Variants in BRCC3 observed in about 807,000 individuals in gnomAD.
BRCC3 encodes lys-63-specific deubiquitinase BRCC36.
A neutral mutation model predicts 28.0 loss-of-function variants in BRCC3; 15 were observed. That is an observed-to-expected ratio of 0.54 (90% CI 0.36 to 0.82). The LOEUF is 0.82. Ranked by LOEUF, BRCC3 falls within the 40% of genes least tolerant of loss-of-function variation. The pLI, the probability that BRCC3 is intolerant of heterozygous loss-of-function variation, is 0.01. For missense variants in BRCC3, 109 were observed against 225.9 expected, an observed-to-expected ratio of 0.48 and a Z score of 3.32; for synonymous variants, 66 against 80.3, an observed-to-expected ratio of 0.82 and a Z score of 0.95.
At position 155,122,229 on chromosome X, in the gene BRCC3, AT is replaced by A. The variant is rs2074392611; in HGVS notation, c.*1026del. ...ATGTTTCACTGAAGAGGATCTATAG[AT>A]GGCAAGTAAGCATATGAAAAGCTGT... On this transcript the variant is annotated 3_prime_UTR_variant, in exon 11 of 11. Transcript: ENST00000330045. 8.9e-6 allele frequency: 1 copy of A among 111,937 alleles called. No individual in the cohort carries two copies. The highest frequency in any genetic ancestry group is 1.9e-5 in the Non-Finnish European group (1 of 53,196). 9.2% of individuals were successfully genotyped at this position (111,937 alleles called of 1,213,427 possible).
chrX:155,108,518 A>C (rs1321837429), intron 7 of BRCC3, among the ~76,000 whole-genome samples: 2 of 112,322 alleles, frequency 1.8e-5, no homozygotes, highest in African/African-American at 6.5e-5. Flanking sequence ...ACAGTGTATG[A>C]AGGTTTTCAC....
intron 9 of BRCC3, among the ~76,000 whole-genome samples, chrX:155,119,271 A>G (rs1474540112): frequency 8.9e-6 from 1 of 112,137 alleles, no homozygotes; most frequent in Admixed American, 9.4e-5. Flanking sequence ...TCTGGAAAAT[A>G]CTGGATAATT....
intron 5 of BRCC3, among the ~76,000 whole-genome samples, chrX:155,086,449 C>G (rs1557294891): frequency 9.0e-6 from 1 of 111,724 alleles, no homozygotes; most frequent in African/African-American, 3.3e-5. Context: ...CTCCTGGGCT[C>G]AAGCGATTCT....
intron 7 of BRCC3, 42 bp downstream of exon 7, chrX:155,090,881 C>T (rs2074170307): frequency 3.2e-6 from 3 of 941,496 alleles, no homozygotes; most frequent in Non-Finnish European, 4.5e-6. Flanking sequence ...GAGGGCTAAT[C>T]TCCAATTCAG....
intron 7 of BRCC3, among the ~76,000 whole-genome samples, chrX:155,110,575 C>G (rs890283221): frequency 6.5e-5 from 7 of 107,306 alleles, no homozygotes; most frequent in African/African-American, 2.4e-4. Context: ...CTGTTTTTAC[C>G]TTGATCAGTC....
chrX:155,076,296 G>A (rs1200572731), intron 3 of BRCC3, among the ~76,000 whole-genome samples: 1 of 111,169 alleles, frequency 9.0e-6, no homozygotes, highest in Admixed American at 9.5e-5. Context: ...GGCTGAGGTG[G>A]GAGAATCGCT....
chrX:155,076,624 A>G (rs1403083013), intron 3 of BRCC3, among the ~76,000 whole-genome samples: 1 of 110,966 alleles, frequency 9.0e-6, no homozygotes, highest in African/African-American at 3.3e-5. Context: ...TCACTCTCAC[A>G]CTATTATGAG....
intron 6 of BRCC3, 60 bp downstream of exon 6, chrX:155,089,411 C>T: frequency 1.4e-6 from 1 of 734,887 alleles, no homozygotes; most frequent in Non-Finnish European, 2.0e-6. Context: ...TGTGTGTCTA[C>T]ACACAGAGTA....
intron 9 of BRCC3, among the ~76,000 whole-genome samples, chrX:155,117,683 G>T (rs2074365477): frequency 8.9e-6 from 1 of 111,746 alleles, no homozygotes; most frequent in African/African-American, 3.3e-5. Flanking sequence ...TAAACAAATA[G>T]ATCAGTGGAA....
intron 7 of BRCC3, among the ~76,000 whole-genome samples, chrX:155,112,948 CTT>C (rs200031606): frequency 0.015 from 1,628 of 110,369 alleles, 16 homozygotes; most frequent in Non-Finnish European, 0.024. Flanking sequence ...AGGTGAAAGA[CTT>C]ATATATTCAA....
chrX:155,079,533 G>A (rs1569560459), intron 5 of BRCC3, among the ~76,000 whole-genome samples: 1 of 111,514 alleles, frequency 9.0e-6, no homozygotes, highest in Non-Finnish European at 1.9e-5. Context: ...TACAGTATTA[G>A]TTCTCAGTCT....
chrX:155,089,047 T>G lies in BRCC3; in HGVS notation c.404-216T>G, dbSNP rs782706725. 2.9e-4 allele frequency among the ~76,000 whole-genome samples: 32 copies of G among 112,255 alleles called. 1 individual carries two copies. The highest frequency in any genetic ancestry group is 8.4e-4 in the African/African-American group (26 of 30,901). The stretch of plus-strand genomic sequence containing the variant: ...TAGAGTTATTAATAAGTTTTATTAT[T>G]TAATGGCAGACTTTCGATAGTATTA... On this transcript the variant is annotated intron_variant, in intron 5 of 10. Coordinates refer to ENST00000330045, the MANE Select transcript of BRCC3 (RefSeq NM_001018055.3).
At chrX:155,085,009 C>G (rs2074112334) in intron 5 of BRCC3, among the ~76,000 whole-genome samples, 1 of 111,387 alleles carries the variant, frequency 9.0e-6, no homozygotes, top group Admixed American at 9.5e-5. Context: ...GAGAAATAGT[C>G]AATTATTTTC....
chrX:155,114,500 G>C (rs1277153300), intron 7 of BRCC3, among the ~76,000 whole-genome samples: 2 of 109,710 alleles, frequency 1.8e-5, no homozygotes, highest in Non-Finnish European at 3.8e-5. Flanking sequence ...TTGAAGATCT[G>C]TTTCATAACA....
intron 2 of BRCC3, among the ~76,000 whole-genome samples, chrX:155,072,778 C>T (rs1368875331): frequency 9.1e-6 from 1 of 109,601 alleles, no homozygotes; most frequent in African/African-American, 3.3e-5. Flanking sequence ...AGGCTGGTCT[C>T]GAACTCCTGG....
chrX:155,116,204 A>G lies in BRCC3; in HGVS notation c.680+16A>G. On this transcript the variant is annotated intron_variant, in intron 8 of 10. Transcript: ENST00000330045. ...GGATCCACAGGTAGAGACCCTCTTC[A>G]CTCCTCTTCTCTACTTCTCAGGACC... 8.6e-7 allele frequency: 1 copy of G among 1,161,811 alleles called. No homozygotes were observed. Among genetic ancestry groups the G allele is most frequent in the Non-Finnish European group, 1.2e-6 (1 of 868,658 alleles).
intron 4 of BRCC3, among the ~76,000 whole-genome samples, chrX:155,077,534 ACTCTGTGTGGAGT>A (rs1318138849): frequency 9.0e-6 from 1 of 110,732 alleles, no homozygotes; most frequent in Non-Finnish European, 1.9e-5. Context: ...GCGACAATGA[ACTCTGTGTGGAGT>A]CCCCTCCATC....
intron 7 of BRCC3, among the ~76,000 whole-genome samples, chrX:155,093,932 A>G (rs1184652109): frequency 9.0e-6 from 1 of 110,769 alleles, no homozygotes; most frequent in Admixed American, 9.6e-5. Flanking sequence ...TTAATTTTCA[A>G]GAGTTTTTTC....
intron 3 of BRCC3, among the ~76,000 whole-genome samples, chrX:155,075,134 C>G (rs1433233602): frequency 8.9e-6 from 1 of 111,845 alleles, no homozygotes; most frequent in Admixed American, 9.4e-5. Flanking sequence ...CCTTTTTTCT[C>G]TTTTGTGTTG....
Sources: allele counts gnomAD v4.1 joint callset (sites outside exome capture counted in the v4.1 genomes callset), GRCh38; gene constraint gnomAD v4.1.1; transcripts MANE v1.5; gene names NCBI Gene and HGNC (gene_info 2026-07-23, HGNC 2026-07-21).